AK7: variants seen among roughly 807,000 people sequenced by gnomAD.
The protein encoded by AK7 is ATP-AMP transphosphorylase 7.
AK7 carries 78 observed loss-of-function variants against 96.6 expected under a neutral mutation model. The ratio of observed to expected loss-of-function variants is 0.81; its 90% CI spans 0.67 to 0.97. The LOEUF (loss-of-function observed/expected upper bound fraction) is 0.97. AK7 is among the 50% of genes least tolerant of loss of function. The pLI is 0.00. For missense variants in AK7, 855 were observed against 887.9 expected (o/e 0.96, Z 0.47); for synonymous variants, 302 against 317.2 (o/e 0.95, Z 0.51).
At position 96,458,200 on chromosome 14, in the gene AK7, G is replaced by T; in HGVS notation, c.1345G>T (p.Glu449Ter). 1 of 1,613,912 alleles carries T rather than the reference G, an allele frequency of 6.2e-7. No homozygotes were observed. The highest frequency in any genetic ancestry group is 1.1e-5 in the South Asian group (1 of 91,066). The change falls in exon 12 of 18, where the codon GAG becomes TAG. Residue 449 changes from glutamate (E) to a stop codon, truncating the protein, a stop_gained. Coordinates refer to ENST00000267584, the MANE Select transcript of AK7 (RefSeq NM_152327.5). LOFTEE classifies it high-confidence loss of function. ...ELLDGIKESM[E>*]QNAGQLDDQY... ...CCTAGATGGCATCAAGGAGAGCATG[G>T]AGCAGAATGCAGGTAACACACACCC...
At chr14:96,446,855 G>T (rs1422443432) in intron 8 of AK7, among the ~76,000 whole-genome samples, 1 of 152,052 alleles carries the variant, frequency 6.6e-6, no homozygotes, top group African/African-American at 2.4e-5. Flanking sequence ...CAGGAGAATC[G>T]CTTGAACCCA....
intron 1 of AK7, among the ~76,000 whole-genome samples, chr14:96,392,938 G>C (rs1395477470): frequency 1.3e-5 from 2 of 152,076 alleles, no homozygotes; most frequent in Non-Finnish European, 2.9e-5. Context: ...ATTACAGGCC[G>C]AGTAAATCCA....
At chr14:96,433,598 C>G (rs1001532384) in intron 5 of AK7, among the ~76,000 whole-genome samples, 3 of 152,122 alleles carry the variant, frequency 2.0e-5, no homozygotes, top group African/African-American at 7.2e-5. Flanking sequence ...TTTTTAGCTT[C>G]CTTGCGATGT....
Position 96,478,445 on chromosome 14 carries a change from G to T in AK7, c.1556-20G>T. The T allele has an allele frequency of 1.2e-6, 2 of 1,613,852 alleles. No homozygotes were observed. Among genetic ancestry groups the T allele is most frequent in the Non-Finnish European group, 8.5e-7 (1 of 1,179,802 alleles). On this transcript the variant is annotated intron_variant, in intron 14 of 17. Coordinates refer to ENST00000267584, the MANE Select transcript of AK7 (RefSeq NM_152327.5). ...GCTGCGCTGTATTGTGCCAACTCTG[G>T]AGTCTGTCCTTCTCCCCAGAATTCG... is the stretch of plus-strand genomic sequence containing the variant.
intron 15 of AK7, among the ~76,000 whole-genome samples, chr14:96,479,383 CTCTT>C (rs1895388161): frequency 7.1e-6 from 1 of 140,826 alleles, no homozygotes; most frequent in South Asian, 2.4e-4. Flanking sequence ...GGCCGACAAA[CTCTT>C]TTTTTTTTTT....
chr14:96,461,277 C>A (rs1221528182), intron 12 of AK7, among the ~76,000 whole-genome samples: 1 of 152,058 alleles, frequency 6.6e-6, no homozygotes, highest in Non-Finnish European at 1.5e-5. Flanking sequence ...AGCAAGACCC[C>A]CCATGTCTAC....
chr14:96,461,878 G>T (rs1223327067), intron 12 of AK7, among the ~76,000 whole-genome samples: 3 of 152,244 alleles, frequency 2.0e-5, no homozygotes, highest in African/African-American at 7.2e-5. Context: ...GAGCCACTGT[G>T]CTTGGCCAAG....
At chr14:96,437,344 T>C (rs1892695842) in intron 5 of AK7, among the ~76,000 whole-genome samples, 1 of 152,124 alleles carries the variant, frequency 6.6e-6, no homozygotes, top group Non-Finnish European at 1.5e-5. Flanking sequence ...ATACTTATTA[T>C]GTACCCACAA....
intron 8 of AK7, among the ~76,000 whole-genome samples, chr14:96,448,990 A>G (rs1254526002): frequency 6.6e-6 from 1 of 152,018 alleles, no homozygotes; most frequent in Non-Finnish European, 1.5e-5. Flanking sequence ...TGGGGAAAAA[A>G]AAAAGGCAGA....
chr14:96,450,221 A>G (rs917716554), intron 9 of AK7, among the ~76,000 whole-genome samples: 1 of 152,084 alleles, frequency 6.6e-6, no homozygotes, highest in Non-Finnish European at 1.5e-5. Flanking sequence ...GTTTGAGACC[A>G]GCGTGACCAA....
chr14:96,394,214 G>A (rs934318153), intron 1 of AK7, among the ~76,000 whole-genome samples: 5 of 152,182 alleles, frequency 3.3e-5, no homozygotes, highest in African/African-American at 1.2e-4. Flanking sequence ...TTCCAAAGTA[G>A]GAATAGGGTT....
At chr14:96,470,140 C>T (rs922134018) in intron 12 of AK7, among the ~76,000 whole-genome samples, 1 of 151,292 alleles carries the variant, frequency 6.6e-6, no homozygotes, top group Non-Finnish European at 1.5e-5. Flanking sequence ...TTAATTAGAT[C>T]AGTTTATTGT....
At chr14:96,415,553 C>T (rs1313270123) in intron 4 of AK7, among the ~76,000 whole-genome samples, 2 of 151,730 alleles carry the variant, frequency 1.3e-5, no homozygotes, top group Non-Finnish European at 2.9e-5. Flanking sequence ...GCCCATGGTG[C>T]CTGGAGCCAC....
At chr14:96,453,874 C>T (rs897505668) in intron 10 of AK7, among the ~76,000 whole-genome samples, 2 of 152,136 alleles carry the variant, frequency 1.3e-5, no homozygotes, top group Admixed American at 6.5e-5. Context: ...AGTTGACAGC[C>T]GGTTCTCAGG....
intron 5 of AK7, chr14:96,423,697 C>T (rs1028890082): frequency 1.0e-5 from 7 of 682,766 alleles, no homozygotes; most frequent in Admixed American, 1.8e-5. Context: ...CTGCCCCCTA[C>T]TTCCCAGACA....
intron 5 of AK7, among the ~76,000 whole-genome samples, chr14:96,426,527 T>C (rs1158360181): frequency 6.6e-6 from 1 of 152,206 alleles, no homozygotes; most frequent in Non-Finnish European, 1.5e-5. Context: ...CTTCAGGTGA[T>C]TATTGTTCAT....
At chr14:96,457,346 C>G (rs777623664) in intron 11 of AK7, among the ~76,000 whole-genome samples, 1 of 152,136 alleles carries the variant, frequency 6.6e-6, no homozygotes, top group African/African-American at 2.4e-5. Flanking sequence ...CAAGTGTGAG[C>G]CACCGTGCCA....
rs67009492 is a variant in AK7 at position 96,468,296 on chromosome 14, CTTT to C, written c.1358-3161_1358-3159del. On this transcript the variant is annotated intron_variant, in intron 12 of 17. Transcript: ENST00000267584. Reference sequence around the variant, plus strand: ...AAATACATAGCTTTTGCACTCTTTCCTTTTTTTTTTTTTTTTTTTTTTTGAGAA... The same window carrying C: ...AAATACATAGCTTTTGCACTCTTTCCTTTTTTTTTTTTTTTTTTTTGAGAA... 1.4e-4 allele frequency among the ~76,000 whole-genome samples: 14 copies of C among 98,556 alleles called. No individual in the cohort carries two copies. In the South Asian group the frequency reaches 4.6e-3, roughly 33 times the overall value. The allele number at this position is 98,556 out of a possible 152,430, so 64.7% of individuals were successfully genotyped here. A position where few individuals can be genotyped will look rare whatever the true frequency, so the allele number is the denominator to read the frequency against.
chr14:96,446,293 C>T lies in AK7; in HGVS notation c.780-224C>T, dbSNP rs1030481991. ...CCTCAAAAGCTGGCTCTTCCACTTT[C>T]GCAATAGCTCTTCAGCCTGAGAAAT... is the stretch of plus-strand genomic sequence containing the variant. On this transcript the variant is annotated intron_variant, in intron 7 of 17. Coordinates refer to ENST00000267584, the MANE Select transcript of AK7 (RefSeq NM_152327.5). 4.6e-5 allele frequency among the ~76,000 whole-genome samples: 7 copies of T among 152,264 alleles called. No homozygotes were observed. In the South Asian group the frequency reaches 6.2e-4, roughly 14 times the overall value.
Sources: allele counts gnomAD v4.1 joint callset (sites outside exome capture counted in the v4.1 genomes callset), GRCh38; gene constraint gnomAD v4.1.1; transcripts MANE v1.5; gene names NCBI Gene and HGNC (gene_info 2026-07-23, HGNC 2026-07-21).